FGF7: variants seen among roughly 807,000 people sequenced by gnomAD.
FGF7 encodes FGF-7.
In FGF7, 6 loss-of-function variants were observed where a neutral mutation model predicts 20.5. The ratio of observed to expected loss-of-function variants is 0.29; its 90% CI spans 0.16 to 0.58. The LOEUF (loss-of-function observed/expected upper bound fraction) is 0.58, where lower values mean the gene tolerates loss of function less well. Ranked by LOEUF, FGF7 falls within the 20% of genes least tolerant of loss-of-function variation. FGF7 has a pLI of 0.90. For synonymous variants in FGF7, 64 were observed against 74.7 expected (o/e 0.86, Z 0.74); for missense variants, 144 against 228.8 (o/e 0.63, Z 2.39).
intron 2 of FGF7, among the ~76,000 whole-genome samples, chr15:49,441,747 T>C (rs569445391): frequency 6.6e-6 from 1 of 151,764 alleles, no homozygotes; most frequent in South Asian, 2.1e-4. Context: ...TTATTACACA[T>C]TTTCATAATT....
At chr15:49,441,494 G>C (rs1177546084) in intron 2 of FGF7, among the ~76,000 whole-genome samples, 4 of 151,640 alleles carry the variant, frequency 2.6e-5, no homozygotes, top group Non-Finnish European at 5.9e-5. Flanking sequence ...GAGCTCCAGA[G>C]GACTGAAGTA....
intron 2 of FGF7, among the ~76,000 whole-genome samples, chr15:49,441,224 A>G (rs1369820630): frequency 1.3e-5 from 2 of 151,680 alleles, no homozygotes; most frequent in African/African-American, 4.8e-5. Flanking sequence ...AATACTGCCA[A>G]TGTTGCCTGG....
intron 2 of FGF7, among the ~76,000 whole-genome samples, chr15:49,477,271 A>G (rs2151993371): frequency 6.6e-6 from 1 of 152,296 alleles, no homozygotes; most frequent in South Asian, 2.1e-4. Context: ...TCATGTATCC[A>G]CTATTACAGT....
intron 2 of FGF7, among the ~76,000 whole-genome samples, chr15:49,482,517 C>T (rs2056045720): frequency 6.6e-6 from 1 of 151,944 alleles, no homozygotes; most frequent in Admixed American, 6.6e-5. Flanking sequence ...TTTACACTTG[C>T]TTTAATTAGA....
intron 2 of FGF7, among the ~76,000 whole-genome samples, chr15:49,445,824 G>A (rs1256357518): frequency 1.3e-5 from 2 of 151,418 alleles, no homozygotes; most frequent in East Asian, 3.9e-4. Flanking sequence ...CTTATCACCA[G>A]ATTCCAATTA....
chr15:49,461,629 C>T (rs2053808176), intron 2 of FGF7, among the ~76,000 whole-genome samples: 1 of 152,162 alleles, frequency 6.6e-6, no homozygotes, highest in South Asian at 2.1e-4. Context: ...ATAAGTTGTA[C>T]ACTATGTATT....
intron 2 of FGF7, among the ~76,000 whole-genome samples, chr15:49,467,630 T>C (rs1363975961): frequency 6.6e-6 from 1 of 152,132 alleles, no homozygotes; most frequent in African/African-American, 2.4e-5. Flanking sequence ...CCACACCTAT[T>C]CTGATAATTT....
At chr15:49,463,588 A>G (rs2054000545) in intron 2 of FGF7, among the ~76,000 whole-genome samples, 1 of 151,018 alleles carries the variant, frequency 6.6e-6, no homozygotes, top group East Asian at 1.9e-4. Context: ...AACTAGCTGC[A>G]TAAGTTCTTA....
chr15:49,447,288 C>T (rs2052312588), intron 2 of FGF7, among the ~76,000 whole-genome samples: 1 of 151,584 alleles, frequency 6.6e-6, no homozygotes, highest in Non-Finnish European at 1.5e-5. Flanking sequence ...AACTCTGTAA[C>T]ATGGCTGGCA....
intron 3 of FGF7, among the ~76,000 whole-genome samples, chr15:49,483,707 T>G (rs1035891343): frequency 6.6e-6 from 1 of 152,076 alleles, no homozygotes; most frequent in South Asian, 2.1e-4. Context: ...ATTCACATTG[T>G]CCCCACTTCA....
intron 2 of FGF7, among the ~76,000 whole-genome samples, chr15:49,481,244 C>T (rs1449775101): frequency 6.6e-6 from 1 of 152,136 alleles, no homozygotes; most frequent in East Asian, 1.9e-4. Flanking sequence ...AAAGTAATGG[C>T]AAAAGCCACA....
chr15:49,455,970 A>G (rs1356328094), intron 2 of FGF7, among the ~76,000 whole-genome samples: 4 of 152,132 alleles, frequency 2.6e-5, no homozygotes, highest in African/African-American at 9.7e-5. Context: ...AGTATCAGAA[A>G]CACTCTAGAA....
chr15:49,444,817 T>C (rs1326344707), intron 2 of FGF7, among the ~76,000 whole-genome samples: 3 of 151,724 alleles, frequency 2.0e-5, no homozygotes, highest in Admixed American at 6.6e-5. Context: ...AATCAATGTT[T>C]TTGTGATATA....
At chr15:49,448,675 A>G (rs1284217917) in intron 2 of FGF7, among the ~76,000 whole-genome samples, 1 of 142,582 alleles carries the variant, frequency 7.0e-6, no homozygotes, top group Non-Finnish European at 1.5e-5. Context: ...ACATATGTAC[A>G]TATATATATA....
chr15:49,439,227 C>T (rs1325806127), intron 2 of FGF7, among the ~76,000 whole-genome samples: 1 of 150,926 alleles, frequency 6.6e-6, no homozygotes, highest in Non-Finnish European at 1.5e-5. Flanking sequence ...TCCTGAGTGT[C>T]CTTATAACAT....
intron 2 of FGF7, among the ~76,000 whole-genome samples, chr15:49,459,841 C>T (rs1294481722): frequency 2.0e-5 from 3 of 152,136 alleles, no homozygotes; most frequent in African/African-American, 7.2e-5. Context: ...CTTCCCAATA[C>T]CATGTTGGTA....
intron 2 of FGF7, among the ~76,000 whole-genome samples, chr15:49,472,425 G>C (rs1597413648): frequency 6.6e-6 from 1 of 152,176 alleles, no homozygotes; most frequent in East Asian, 1.9e-4. Context: ...TTTTATGGAA[G>C]ACTTTTGGAA....
chr15:49,453,191 A>T (rs775574294), intron 2 of FGF7, among the ~76,000 whole-genome samples: 1 of 152,000 alleles, frequency 6.6e-6, no homozygotes, highest in Non-Finnish European at 1.5e-5. Flanking sequence ...TTCTTTTTTT[A>T]AAATTTGAAT....
intron 2 of FGF7, among the ~76,000 whole-genome samples, chr15:49,471,994 T>C (rs888979733): frequency 6.8e-6 from 1 of 146,324 alleles, no homozygotes; most frequent in African/African-American, 2.5e-5. Context: ...TTTTTTCTTC[T>C]AGTTTTATCT....
Sources: gnomAD v4.1 joint callset for allele counts (sites outside exome capture counted in the v4.1 genomes callset) on GRCh38, gnomAD v4.1.1 for gene constraint, MANE v1.5 for transcripts, NCBI Gene and HGNC (gene_info 2026-07-23, HGNC 2026-07-21) for gene names.